XIRP2: variants seen among roughly 807,000 people sequenced by gnomAD.
The protein encoded by XIRP2 is xin actin-binding repeat-containing protein 2.
XIRP2 carries 236 observed loss-of-function variants against 277.0 expected under a neutral mutation model. The observed-to-expected ratio is 0.85, with a 90% confidence interval of 0.77 to 0.95. The LOEUF (loss-of-function observed/expected upper bound fraction) is 0.95, where lower values mean the gene tolerates loss of function less well. Ranked by LOEUF, XIRP2 falls within the 40% of genes least tolerant of loss-of-function variation. The probability of loss-of-function intolerance (pLI) is 0.00; values close to 1 mark genes in which losing one functional copy is unlikely to be tolerated. For synonymous variants in XIRP2, 1,490 were observed against 1,416.5 expected, an observed-to-expected ratio of 1.05 and a Z score of -1.17; for missense variants, 4,640 against 4,157.5, an observed-to-expected ratio of 1.12 and a Z score of -3.19.
chr2:167,259,323 A>G lies in XIRP2; in HGVS notation c.*1506A>G, dbSNP rs577007443. On this transcript the variant is annotated 3_prime_UTR_variant, in exon 11 of 11. Coordinates refer to ENST00000409195, the MANE Select transcript of XIRP2 (RefSeq NM_152381.6). ...CAGTCAGAACAACTCACGGTGGAAG[A>G]GCAGATTAAAAGAAACAGGTGCTAC... The G allele has an allele frequency of 2.5e-6, 4 of 1,611,708 alleles. No individual in the cohort carries two copies. The highest frequency in any genetic ancestry group is 2.2e-5 in the East Asian group (1 of 44,828).
intron 2 of XIRP2, among the ~76,000 whole-genome samples, chr2:166,944,870 AT>A (rs1368605834): frequency 6.6e-6 from 1 of 152,198 alleles, no homozygotes; most frequent in East Asian, 1.9e-4. Context: ...TTGATTGCAG[AT>A]TGGCTATAGA....
In XIRP2 at chr2:167,243,665, A is replaced by G. The variant is rs1320796156; in HGVS notation, c.2273A>G (p.His758Arg). The stretch of plus-strand genomic sequence containing the variant: ...CAAATGCTGGAAATTAAAACTGTTC[A>G]CAGAGAAGACGTTGAAAAGGGAGAT... Reference protein sequence around the residue: ...SGQMLEIKTVHREDVEKGDVR... With the variant: ...SGQMLEIKTVRREDVEKGDVR... Residue 758 changes from histidine (H) to arginine (R), a missense_variant, in exon 9 of 11, where the codon CAC becomes CGC. Transcript: ENST00000409195. The G allele has an allele frequency of 3.7e-6, 6 of 1,613,932 alleles. No homozygotes were observed. In the African/African-American group the frequency reaches 6.7e-5, roughly 18 times the overall value.
At chr2:167,050,652 A>C (rs1688891402) in intron 2 of XIRP2, among the ~76,000 whole-genome samples, 1 of 152,018 alleles carries the variant, frequency 6.6e-6, no homozygotes, top group Admixed American at 6.6e-5. Flanking sequence ...AAAGAGGGAA[A>C]GCTGGGAGAA....
chr2:166,897,286 C>G (rs1684268977), intron 1 of XIRP2, among the ~76,000 whole-genome samples: 1 of 152,172 alleles, frequency 6.6e-6, no homozygotes, highest in Admixed American at 6.6e-5. Flanking sequence ...GACTAGCACT[C>G]AGTGGCCCTA....
At chr2:166,956,169 T>A (rs779913252) in intron 2 of XIRP2, among the ~76,000 whole-genome samples, 1 of 151,810 alleles carries the variant, frequency 6.6e-6, no homozygotes, top group Non-Finnish European at 1.5e-5. Flanking sequence ...GCTGTTTGTG[T>A]GTGAAAGGAA....
At chr2:166,959,057 T>A (rs1312224482) in intron 2 of XIRP2, among the ~76,000 whole-genome samples, 3 of 151,790 alleles carry the variant, frequency 2.0e-5, no homozygotes, top group African/African-American at 4.8e-5. Context: ...AGTAGGAACA[T>A]TCCTGGAAGA....
intron 2 of XIRP2, among the ~76,000 whole-genome samples, chr2:166,926,979 T>G (rs943379195): frequency 6.6e-6 from 1 of 152,122 alleles, no homozygotes; most frequent in African/African-American, 2.4e-5. Context: ...GAGGCAAAGG[T>G]GAGCATGGCT....
At chr2:166,937,887 G>A (rs1487762780) in intron 2 of XIRP2, among the ~76,000 whole-genome samples, 2 of 152,142 alleles carry the variant, frequency 1.3e-5, no homozygotes, top group Admixed American at 6.6e-5. Flanking sequence ...TTGTATAGAG[G>A]TGTTTATAGT....
At position 167,251,452 on chromosome 2, in the gene XIRP2, G is replaced by T. The variant is rs773690604; in HGVS notation, c.10060G>T (p.Val3354Phe). 6.2e-7 allele frequency: 1 copy of T among 1,613,500 alleles called. No individual in the cohort carries two copies. Among genetic ancestry groups the T allele is most frequent in the African/African-American group, 1.3e-5 (1 of 74,848 alleles). The change falls in exon 9 of 11, where the codon GTT becomes TTT. Residue 3354 changes from valine to phenylalanine, a missense_variant. By Grantham distance (50) the Val-to-Phe change is conservative. Transcript: ENST00000409195. ...PVSEAKSNRRVYAKGETNHNI... is the reference protein window; with the variant it reads ...PVSEAKSNRRFYAKGETNHNI... ...TTCTGAAGCAAAGTCAAATAGAAGA[G>T]TTTATGCAAAGGGAGAAACAAACCA...
intron 2 of XIRP2, among the ~76,000 whole-genome samples, chr2:167,114,724 C>T (rs1057237157): frequency 7.9e-5 from 12 of 151,858 alleles, no homozygotes; most frequent in African/African-American, 2.9e-4. Flanking sequence ...CGATAGTTTA[C>T]TGAGAATGAT....
intron 2 of XIRP2, among the ~76,000 whole-genome samples, chr2:166,916,553 T>A (rs750702876): frequency 5.0e-4 from 76 of 152,298 alleles, no homozygotes; most frequent in Middle Eastern, 3.4e-3. Context: ...AATATTAGTA[T>A]AGAGAAAAAT....
At chr2:166,937,125 A>G (rs897730441) in intron 2 of XIRP2, among the ~76,000 whole-genome samples, 9 of 152,150 alleles carry the variant, frequency 5.9e-5, no homozygotes, top group African/African-American at 1.7e-4. Flanking sequence ...ACTTCCAACT[A>G]TGCTGAATAG....
chr2:167,188,816 T>C (rs114296979), intron 3 of XIRP2, among the ~76,000 whole-genome samples: 6,192 of 152,328 alleles, frequency 0.041, 139 homozygotes, highest in Non-Finnish European at 0.051. Flanking sequence ...TTGGACTAAA[T>C]GTTTTTGCTT....
chr2:167,111,564 G>A (rs1690755951), intron 2 of XIRP2, among the ~76,000 whole-genome samples: 1 of 152,104 alleles, frequency 6.6e-6, no homozygotes, highest in Non-Finnish European at 1.5e-5. Flanking sequence ...TATGCTGCTG[G>A]ATTTGGTTTG....
At chr2:167,025,918 A>G (rs1688141818) in intron 2 of XIRP2, among the ~76,000 whole-genome samples, 1 of 152,010 alleles carries the variant, frequency 6.6e-6, no homozygotes, top group South Asian at 2.1e-4. Context: ...GTGCTGAAAA[A>G]AATGTATATT....
chr2:167,015,923 A>G (rs1687815800), intron 2 of XIRP2, among the ~76,000 whole-genome samples: 2 of 151,526 alleles, frequency 1.3e-5, no homozygotes, highest in Admixed American at 1.3e-4. Context: ...AAGTTACCAT[A>G]TCTTTGTCTC....
At chr2:167,133,574 CAG>C (rs1340999365) in intron 2 of XIRP2, among the ~76,000 whole-genome samples, 3 of 152,138 alleles carry the variant, frequency 2.0e-5, no homozygotes, top group African/African-American at 4.8e-5. Flanking sequence ...GTATATGAAA[CAG>C]AAATTATTCC....
At chr2:167,001,934 A>G (rs1044564317) in intron 2 of XIRP2, among the ~76,000 whole-genome samples, 1 of 152,118 alleles carries the variant, frequency 6.6e-6, no homozygotes, top group Non-Finnish European at 1.5e-5. Context: ...ATTTCAACAA[A>G]CATAGGAAAA....
At chr2:167,187,276 C>T (rs1693182796) in intron 3 of XIRP2, 2 of 985,082 alleles carry the variant, frequency 2.0e-6, no homozygotes, top group South Asian at 4.7e-5. Flanking sequence ...TGACTCAGGC[C>T]CCACCTATAC....
Sources: gnomAD v4.1 joint callset for allele counts (sites outside exome capture counted in the v4.1 genomes callset) on GRCh38, gnomAD v4.1.1 for gene constraint, MANE v1.5 for transcripts, NCBI Gene and HGNC (gene_info 2026-07-23, HGNC 2026-07-21) for gene names.